AIG1: variants seen among roughly 807,000 people sequenced by gnomAD.
AIG1 encodes the protein androgen induced 1, also known as androgen-induced gene 1 protein.
In AIG1, 23 loss-of-function variants were observed where a neutral mutation model predicts 31.4. The ratio of observed to expected loss-of-function variants is 0.73; its 90% confidence interval spans 0.53 to 1.04. AIG1 has a LOEUF of 1.04. AIG1 is among the 50% of genes least tolerant of loss of function. The pLI is 0.00. For missense variants in AIG1, 274 were observed against 295.0 expected, an observed-to-expected ratio of 0.93 and a Z score of 0.52; for synonymous variants, 100 against 110.5, an observed-to-expected ratio of 0.90 and a Z score of 0.60.
Position 143,201,717 on chromosome 6 carries a change from C to T in AIG1, c.399+36534C>T, listed in dbSNP as rs146151757. On this transcript the variant is annotated intron_variant, in intron 3 of 5. Transcript: ENST00000357847. ...ACCTTTATTAACGCTTAATTCTCCT[C>T]TTTGTTACGGACCTGGGGATCCTTT... is the stretch of plus-strand genomic sequence containing the variant. Among the ~76,000 whole-genome samples the T allele has an allele frequency of 9.3e-3, 1,411 of 152,294 alleles. 23 individuals are homozygous for T. The highest frequency in any genetic ancestry group is 0.032 in the African/African-American group (1,323 of 41,556).
chr6:143,309,039 C>T (rs1775045482), intron 4 of AIG1, among the ~76,000 whole-genome samples: 1 of 151,882 alleles, frequency 6.6e-6, no homozygotes, highest in South Asian at 2.1e-4. Flanking sequence ...GAGTGGGGGG[C>T]TTCCTTTTAC....
chr6:143,164,174 A>G (rs1786695679), intron 2 of AIG1, among the ~76,000 whole-genome samples: 2 of 152,184 alleles, frequency 1.3e-5, no homozygotes, highest in Admixed American at 6.5e-5. Flanking sequence ...TCCATTTTGT[A>G]GCATTTTTTA....
Position 143,293,676 on chromosome 6 carries a change from T to C in AIG1, c.515+9451T>C, listed in dbSNP as rs11755477. On this transcript the variant is annotated intron_variant, in intron 4 of 5. Transcript: ENST00000357847. The surrounding 1 kb of genome is among the most constrained non-coding windows in gnomAD (Gnocchi z 4.8). ...TGTTCTCCTACCCCCAACAGCTGGTTCTCAGACATTCTGGGAGTACATGAA... is the reference window on the plus strand; with the variant it reads ...TGTTCTCCTACCCCCAACAGCTGGTCCTCAGACATTCTGGGAGTACATGAA... 0.27 allele frequency among the ~76,000 whole-genome samples: 41,482 copies of C among 152,068 alleles called. 7,336 individuals are homozygous for C. The highest frequency in any genetic ancestry group is 0.5 in the African/African-American group (20,655 of 41,442).
Position 143,129,239 on chromosome 6 carries a change from C to A in AIG1, c.142-7596C>A, listed in dbSNP as rs552117226. Among the ~76,000 whole-genome samples, 4 of 152,034 alleles carry A rather than the reference C, an allele frequency of 2.6e-5. No homozygotes were observed. The South Asian group carries it at 6.2e-4, about 24-fold the overall frequency. ...CTGGGAGGCGGAGCTTGCAGTGAGC[C>A]GAGATCGCACCACTGCACTCCAGCC... is the stretch of plus-strand genomic sequence containing the variant. On this transcript the variant is annotated intron_variant, in intron 1 of 5. Transcript: ENST00000357847.
chr6:143,174,594 G>A (rs755141766), intron 3 of AIG1, among the ~76,000 whole-genome samples: 14 of 150,988 alleles, frequency 9.3e-5, no homozygotes, highest in Non-Finnish European at 1.9e-4. Context: ...GTGAGTCTTT[G>A]TGTGTCAGGT....
chr6:143,130,123 G>C (rs1415134686), intron 1 of AIG1, among the ~76,000 whole-genome samples: 1 of 151,506 alleles, frequency 6.6e-6, no homozygotes, highest in Non-Finnish European at 1.5e-5. Flanking sequence ...TAGAGATGGG[G>C]GTTCACCATG....
rs1414687193 is a variant in AIG1, at chr6:143,291,900, T to G, written c.515+7675T>G. On this transcript the variant is annotated intron_variant, in intron 4 of 5. Coordinates refer to ENST00000357847, the MANE Select transcript of AIG1 (RefSeq NM_016108.4). The surrounding 1 kb of genome is among the most constrained non-coding windows in gnomAD (Gnocchi z 4.2). The stretch of plus-strand genomic sequence containing the variant: ...GGAAGGTTTGGACAGAGACTTGACA[T>G]GAACTGAGACATTTCTAAGGAATCA... 6.6e-6 allele frequency among the ~76,000 whole-genome samples: 1 copy of G among 152,172 alleles called. No homozygotes were observed. Among genetic ancestry groups the G allele is most frequent in the Non-Finnish European group, 1.5e-5 (1 of 68,038 alleles).
chr6:143,319,266 A>T (rs577741493), intron 4 of AIG1, among the ~76,000 whole-genome samples: 92 of 152,328 alleles, frequency 6.0e-4, no homozygotes, highest in African/African-American at 2.0e-3. Flanking sequence ...AAAATTTGGT[A>T]TGTATACACC....
At chr6:143,169,570 C>G (rs1325847798) in intron 3 of AIG1, among the ~76,000 whole-genome samples, 2 of 152,028 alleles carry the variant, frequency 1.3e-5, no homozygotes, top group Non-Finnish European at 2.9e-5. Context: ...ATAATTGTGT[C>G]TCTGCTAACC....
intron 1 of AIG1, among the ~76,000 whole-genome samples, chr6:143,095,848 T>C (rs1002779323): frequency 3.3e-5 from 5 of 151,386 alleles, no homozygotes; most frequent in African/African-American, 1.2e-4. Flanking sequence ...ATTTGCAGAC[T>C]ATTGGTCAAA....
chr6:143,129,359 C>G (rs1783008798), intron 1 of AIG1, among the ~76,000 whole-genome samples: 1 of 152,112 alleles, frequency 6.6e-6, no homozygotes, highest in Non-Finnish European at 1.5e-5. Flanking sequence ...TCCCTGACCT[C>G]CACGTACACT....
chr6:143,265,629 C>G (rs925756688), intron 3 of AIG1, among the ~76,000 whole-genome samples: 1 of 152,178 alleles, frequency 6.6e-6, no homozygotes, highest in African/African-American at 2.4e-5. Flanking sequence ...TGTGCTAAAG[C>G]CTTTTTCCTC....
At chr6:143,290,279 G>A (rs1797961918) in intron 4 of AIG1, among the ~76,000 whole-genome samples, 1 of 152,230 alleles carries the variant, frequency 6.6e-6, no homozygotes, top group South Asian at 2.1e-4. Flanking sequence ...TTGGAAGAGG[G>A]TCAAGTGGGC....
At chr6:143,223,550 T>A (rs1792696042) in intron 3 of AIG1, among the ~76,000 whole-genome samples, 1 of 152,156 alleles carries the variant, frequency 6.6e-6, no homozygotes, top group Non-Finnish European at 1.5e-5. Context: ...TAAGTCTTTG[T>A]CCCTCTCTTC....
At chr6:143,196,384 CA>C (rs1486542381) in intron 3 of AIG1, among the ~76,000 whole-genome samples, 10 of 151,356 alleles carry the variant, frequency 6.6e-5, no homozygotes, top group Admixed American at 3.3e-4. Flanking sequence ...CACACACACA[CA>C]CACACACACA....
chr6:143,340,025 A>G lies in AIG1; in HGVS notation c.*349A>G. Reference sequence around the variant, plus strand: ...TAAAAGTTTATTGCACTTCTTTTTGAGAAATATGTTAAAGTCAAAGGGGCA... The same window carrying G: ...TAAAAGTTTATTGCACTTCTTTTTGGGAAATATGTTAAAGTCAAAGGGGCA... On this transcript the variant is annotated 3_prime_UTR_variant, in exon 6 of 6. Transcript: ENST00000357847. 5.1e-6 allele frequency: 1 copy of G among 195,662 alleles called. No individual in the cohort carries two copies. Among genetic ancestry groups the G allele is most frequent in the Non-Finnish European group, 1.0e-5 (1 of 96,858 alleles). The allele number at this position is 195,662 out of a possible 1,614,324, so 12.1% of individuals were successfully genotyped here. A position where few individuals can be genotyped will look rare whatever the true frequency, so the allele number is the denominator to read the frequency against.
At chr6:143,103,030 A>G (rs1225599122) in intron 1 of AIG1, among the ~76,000 whole-genome samples, 1 of 152,252 alleles carries the variant, frequency 6.6e-6, no homozygotes, top group Non-Finnish European at 1.5e-5. Context: ...TCTTCCAGAA[A>G]GTACCACTAA....
intron 4 of AIG1, among the ~76,000 whole-genome samples, chr6:143,287,797 T>G (rs1562559427): frequency 6.6e-6 from 1 of 151,376 alleles, no homozygotes; most frequent in Non-Finnish European, 1.5e-5. Flanking sequence ...CCTGAGATGC[T>G]TCTCAACAAA....
At chr6:143,189,157 C>A in intron 3 of AIG1, 1 of 514,922 alleles carries the variant, frequency 1.9e-6, no homozygotes, top group Non-Finnish European at 2.5e-6. Context: ...AATCCTCCTG[C>A]CTCAGCCCCC....
Sources: allele counts gnomAD v4.1 joint callset (sites outside exome capture counted in the v4.1 genomes callset), GRCh38; gene constraint gnomAD v4.1.1; non-coding constraint Gnocchi (gnomAD v3.1); transcripts MANE v1.5; gene names NCBI Gene and HGNC (gene_info 2026-07-23, HGNC 2026-07-21).